The following ZNF135 variants were observed in gnomAD, a reference collection of about 807,000 sequenced individuals.
ZNF135 encodes zinc finger protein 135 (clone pHZ-17).
In ZNF135, 11 loss-of-function variants were observed where a neutral mutation model predicts 12.3. The observed-to-expected ratio is 0.89, with a 90% CI of 0.56 to 1.48. The LOEUF is 1.48. ZNF135 is among the 40% of genes most tolerant of loss of function. The pLI, the probability that ZNF135 is intolerant of heterozygous loss-of-function variation, is 0.00. For synonymous variants in ZNF135, 316 were observed against 312.0 expected (o/e 1.01, Z -0.14); for missense variants, 722 against 815.7 (o/e 0.89, Z 1.40).
At position 58,061,642 on chromosome 19, in the gene ZNF135, G is replaced by A. The variant is rs1489050990; in HGVS notation, c.96G>A (p.Lys32=). Residue 32 remains lysine (K), a synonymous_variant, in exon 3 of 5, where the codon AAG becomes AAA. Coordinates refer to ENST00000313434, the MANE Select transcript of ZNF135 (RefSeq NM_001289401.2). The part of the protein sequence containing the change: ...GFSQEEWGQL[K]PAQRTLYRDV... ...GCCAGGAGGAGTGGGGGCAGCTGAA[G>A]CCTGCCCAGAGGACCCTGTACCGTG... 1.4e-5 allele frequency: 22 copies of A among 1,613,706 alleles called. No individual in the cohort carries two copies. Among genetic ancestry groups the A allele is most frequent in the Non-Finnish European group, 1.8e-5 (21 of 1,179,804 alleles).
At position 58,068,211 on chromosome 19, in the gene ZNF135, A is replaced by G. The variant is rs763045184; in HGVS notation, c.1727A>G (p.Lys576Arg). The G allele has an allele frequency of 1.9e-6, 3 of 1,613,556 alleles. No individual in the cohort carries two copies. Among genetic ancestry groups the G allele is most frequent in the Non-Finnish European group, 8.5e-7 (1 of 1,179,904 alleles). The change falls in exon 5 of 5, where the codon AAG (lysine) becomes AGG (arginine). Residue 576 changes from lysine (K) to arginine (R), a missense_variant. Lys to Arg is a conservative substitution (Grantham distance 26, BLOSUM62 2). Transcript: ENST00000313434. ...IEHQRIHTKE[K>R]PYGCNECGKS... ...CACCAGAGGATTCACACCAAGGAAA[A>G]GCCGTATGGGTGCAATGAGTGTGGG... is the stretch of plus-strand genomic sequence containing the variant.
At position 58,067,445 on chromosome 19, in the gene ZNF135, A is replaced by G. The variant is rs776689439; in HGVS notation, c.961A>G (p.Thr321Ala). ...SSFSQHERTH[T>A]GEKPYECSEC... is the part of the protein sequence containing the mutation. ...CTTCAGCCAGCACGAGCGAACTCAC[A>G]CAGGCGAGAAGCCCTACGAGTGCAG... is the stretch of plus-strand genomic sequence containing the variant. The change falls in exon 5 of 5, where the codon ACA becomes GCA. Residue 321 changes from threonine to alanine, a missense_variant. Physicochemically the swap from Thr to Ala is moderately conservative, Grantham distance 58. Coordinates refer to ENST00000313434, the MANE Select transcript of ZNF135 (RefSeq NM_001289401.2). 8 of 1,614,174 alleles carry G rather than the reference A, an allele frequency of 5.0e-6. No homozygotes were observed. Among genetic ancestry groups the G allele is most frequent in the Admixed American group, 1.7e-5 (1 of 60,020 alleles).
Position 58,059,916 on chromosome 19 carries a change from G to C in ZNF135, c.-34-53G>C, listed in dbSNP as rs2073939085. ...CTCTGGCGCAGTTCCCCGGCTTGGG[G>C]ACCTGAGCACCGCCTCTGCCTGCCC... On this transcript the variant is annotated intron_variant, in intron 1 of 4. Coordinates refer to ENST00000313434, the MANE Select transcript of ZNF135 (RefSeq NM_001289401.2). This position sits in a 1 kb window ranked among gnomAD's most constrained non-coding sequence, Gnocchi z 6.5. The C allele has an allele frequency of 6.3e-7, 1 of 1,598,766 alleles. No homozygotes were observed. Among genetic ancestry groups the C allele is most frequent in the Admixed American group, 1.7e-5 (1 of 59,514 alleles).
rs1599920480 is a variant in ZNF135, at chr19:58,060,634, G to A, written c.33+599G>A. On this transcript the variant is annotated intron_variant, in intron 2 of 4. Coordinates refer to ENST00000313434, the MANE Select transcript of ZNF135 (RefSeq NM_001289401.2). This position sits in a 1 kb window ranked among gnomAD's most constrained non-coding sequence, Gnocchi z 4.9. Reference sequence around the variant, plus strand: ...ATGATGACATTAACCCCACCCATAAGCCACCAGAAGAAACCAGCCTCCTGT... The same window carrying A: ...ATGATGACATTAACCCCACCCATAAACCACCAGAAGAAACCAGCCTCCTGT... Among the ~76,000 whole-genome samples the A allele has an allele frequency of 6.6e-6, 1 of 152,150 alleles. No individual in the cohort carries two copies. Among genetic ancestry groups the A allele is most frequent in the East Asian group, 1.9e-4 (1 of 5,182 alleles).
chr19:58,067,450 C>G lies in ZNF135; in HGVS notation c.966C>G (p.Gly322=), dbSNP rs765317794. Residue 322 remains glycine (G), a synonymous_variant, in exon 5 of 5, where the codon GGC becomes GGG. Coordinates refer to ENST00000313434, the MANE Select transcript of ZNF135 (RefSeq NM_001289401.2). ...GCCAGCACGAGCGAACTCACACAGGCGAGAAGCCCTACGAGTGCAGTGAGT... is the reference window on the plus strand; with the variant it reads ...GCCAGCACGAGCGAACTCACACAGGGGAGAAGCCCTACGAGTGCAGTGAGT... ...SFSQHERTHT[G]EKPYECSECG... 1.2e-6 allele frequency: 2 copies of G among 1,613,584 alleles called. No individual in the cohort carries two copies. Among genetic ancestry groups the G allele is most frequent in the Middle Eastern group, 1.7e-4 (1 of 6,060 alleles).
rs562187200 is a variant in ZNF135, at chr19:58,059,386, T to A, written c.-35+76T>A. ...GGGCCGGGTGCGGGGGGTCCGGGGA[T>A]CTTCCTGAGGCCCTGGCGGGGCGAG... On this transcript the variant is annotated intron_variant, in intron 1 of 4. Transcript: ENST00000313434. The surrounding 1 kb of genome is among the most constrained non-coding windows in gnomAD (Gnocchi z 6.5). 4.9e-5 allele frequency: 40 copies of A among 823,330 alleles called. No homozygotes were observed. The South Asian group carries it at 7.7e-4, about 16-fold the overall frequency. The allele number at this position is 823,330 out of a possible 1,614,324, so 51.0% of individuals were successfully genotyped here.
rs138568651 is a variant in ZNF135 at position 58,067,573 on chromosome 19, C to T, written c.1089C>T (p.Phe363=). The T allele has an allele frequency of 9.9e-6, 16 of 1,613,958 alleles. No individual in the cohort carries two copies. In the African/African-American group the frequency reaches 2.0e-4, roughly 20 times the overall value. ...AGTGTGGTGAGTGTGGCAAGGCCTT[C>T]AGCCACAGCTCATCCTTGACCAAAC... The part of the protein sequence containing the change: ...PYQCGECGKA[F]SHSSSLTKHQ... The change falls in exon 5 of 5, where the codon TTC becomes TTT. Residue 363 remains phenylalanine (F), a synonymous_variant. Transcript: ENST00000313434.
At position 58,059,414 on chromosome 19, in the gene ZNF135, T is replaced by G; in HGVS notation, c.-35+104T>G. 1 of 992,950 alleles carries G rather than the reference T, an allele frequency of 1.0e-6. No individual in the cohort carries two copies. The highest frequency in any genetic ancestry group is 1.4e-6 in the Non-Finnish European group (1 of 729,384). The allele number at this position is 992,950 out of a possible 1,614,324, so 61.5% of individuals were successfully genotyped here. A position where few individuals can be genotyped will look rare whatever the true frequency, so the allele number is the denominator to read the frequency against. ...TCCTGAGGCCCTGGCGGGGCGAGTT[T>G]CCAGCAGCGCGCGTCTGTGTGGAGT... On this transcript the variant is annotated intron_variant, in intron 1 of 4. Transcript: ENST00000313434. This position sits in a 1 kb window ranked among gnomAD's most constrained non-coding sequence, Gnocchi z 6.5.
chr19:58,066,623 A>T (rs1411221333), intron 4 of ZNF135, 118 bp from the exon 5 acceptor site: 7 of 1,391,106 alleles, frequency 5.0e-6, no homozygotes, highest in Middle Eastern at 1.8e-4. Flanking sequence ...GGTCAAAGCC[A>T]CTTGAACCTT....
rs757743187 is a variant in ZNF135 at position 58,068,320 on chromosome 19, A to C, written c.1836A>C (p.Gly612=). 5.6e-6 allele frequency: 9 copies of C among 1,612,626 alleles called. No individual in the cohort carries two copies. In the South Asian group the frequency reaches 9.9e-5, roughly 18 times the overall value. The change falls in exon 5 of 5, where the codon GGA becomes GGC. Residue 612 remains glycine (G), a synonymous_variant. Transcript: ENST00000313434. ...GEKPYECHDC[G]KSFRQSTHLT... ...AGCCCTATGAGTGTCACGATTGCGGAAAGTCCTTTAGGCAGAGCACCCACC... is the reference window on the plus strand; with the variant it reads ...AGCCCTATGAGTGTCACGATTGCGGCAAGTCCTTTAGGCAGAGCACCCACC...
In ZNF135 at chr19:58,060,140, C is replaced by T. The variant is rs564400952; in HGVS notation, c.33+105C>T. The T allele has an allele frequency of 3.8e-6, 6 of 1,582,812 alleles. No individual in the cohort carries two copies. Among genetic ancestry groups the T allele is most frequent in the East Asian group, 2.3e-5 (1 of 43,692 alleles). On this transcript the variant is annotated intron_variant, in intron 2 of 4. Transcript: ENST00000313434. This position sits in a 1 kb window ranked among gnomAD's most constrained non-coding sequence, Gnocchi z 4.9. ...CCTCTTTGCACCCCGTCCCTACTCG[C>T]GCTCAGCCTCCTCCTTGTGCCCGGC... is the stretch of plus-strand genomic sequence containing the variant.
rs1210937352 is a variant in ZNF135, at chr19:58,068,250, A to G, written c.1766A>G (p.His589Arg). ...GCNECGKSFS[H>R]SSSLSQHERT... ...AATGAGTGTGGGAAATCCTTCAGCCACAGCTCCTCGCTCAGCCAGCACGAA... is the reference window on the plus strand; with the variant it reads ...AATGAGTGTGGGAAATCCTTCAGCCGCAGCTCCTCGCTCAGCCAGCACGAA... The change falls in exon 5 of 5, where the codon CAC becomes CGC. Residue 589 changes from histidine (H) to arginine (R), a missense_variant. Physicochemically the swap from His to Arg is conservative, Grantham distance 29. Coordinates refer to ENST00000313434, the MANE Select transcript of ZNF135 (RefSeq NM_001289401.2). 9 of 1,614,048 alleles carry G rather than the reference A, an allele frequency of 5.6e-6. No homozygotes were observed. Among genetic ancestry groups the G allele is most frequent in the Non-Finnish European group, 7.6e-6 (9 of 1,180,042 alleles).
intron 3 of ZNF135, 102 bp downstream of exon 3, chr19:58,061,808 TGG>T: frequency 7.1e-7 from 1 of 1,412,738 alleles, no homozygotes; most frequent in Non-Finnish European, 9.4e-7. Context: ...AGCAAATGCC[TGG>T]GGCTGTATGT....
chr19:58,059,901 G>GT lies in ZNF135; in HGVS notation c.-34-66dup. The GT allele has an allele frequency of 6.3e-7, 1 of 1,582,270 alleles. No homozygotes were observed. The highest frequency in any genetic ancestry group is 1.3e-5 in the African/African-American group (1 of 74,458). On this transcript the variant is annotated intron_variant, in intron 1 of 4. Transcript: ENST00000313434. This position sits in a 1 kb window ranked among gnomAD's most constrained non-coding sequence, Gnocchi z 6.5. Reference sequence around the variant, plus strand: ...GCGGAGCTCCCCAGGCTCTGGCGCAGTTCCCCGGCTTGGGGACCTGAGCAC... The same window carrying GT: ...GCGGAGCTCCCCAGGCTCTGGCGCAGTTTCCCCGGCTTGGGGACCTGAGCAC...
rs573771288 is a variant in ZNF135, at chr19:58,061,615, C to A, written c.69C>A (p.Phe23Leu). Residue 23 changes from phenylalanine to leucine, a missense_variant, in exon 3 of 5, where the codon TTC (phenylalanine) becomes TTA (leucine). Phe to Leu is a conservative substitution (Grantham distance 22). Coordinates refer to ENST00000313434, the MANE Select transcript of ZNF135 (RefSeq NM_001289401.2). ...CGTTTGAGGACGTGGTAGTGGGCTT[C>A]AGCCAGGAGGAGTGGGGGCAGCTGA... is the stretch of plus-strand genomic sequence containing the variant. ...QVTFEDVVVG[F>L]SQEEWGQLKP... 118 of 1,613,528 alleles carry A rather than the reference C, an allele frequency of 7.3e-5. 1 individual carries two copies. The highest frequency in any genetic ancestry group is 6.7e-4 in the South Asian group (61 of 90,938).
In ZNF135 at chr19:58,060,985, C is replaced by CA. The variant is rs926995101; in HGVS notation, c.34-595_34-594insA. Among the ~76,000 whole-genome samples, 1 of 151,946 alleles carries CA rather than the reference C, an allele frequency of 6.6e-6. No homozygotes were observed. The highest frequency in any genetic ancestry group is 1.5e-5 in the Non-Finnish European group (1 of 67,992). ...ACTAAAAATACAAAAAAAAATTAGC[C>CA]GGGGGGGTGGCGGGCGCCTGTAGTC... On this transcript the variant is annotated intron_variant, in intron 2 of 4. Coordinates refer to ENST00000313434, the MANE Select transcript of ZNF135 (RefSeq NM_001289401.2). This position sits in a 1 kb window ranked among gnomAD's most constrained non-coding sequence, Gnocchi z 4.9.
rs780804171 is a variant in ZNF135, at chr19:58,067,890, G to C, written c.1406G>C (p.Ser469Thr). 5.0e-6 allele frequency: 8 copies of C among 1,608,470 alleles called. No individual in the cohort carries two copies. In the Admixed American group the frequency reaches 1.2e-4, roughly 24 times the overall value. The change falls in exon 5 of 5, where the codon AGT (serine) becomes ACT (threonine). Residue 469 changes from serine to threonine, a missense_variant. Coordinates refer to ENST00000313434, the MANE Select transcript of ZNF135 (RefSeq NM_001289401.2). ...ACAGGAGAGAAGCCCTATGAGTGCA[G>C]TCAGTGTGGGAAGGCCTTCCGGCAG... The part of the protein sequence containing the change: ...THTGEKPYEC[S>T]QCGKAFRQST...
At position 58,059,346 on chromosome 19, in the gene ZNF135, A is replaced by AGGCCGGGCCGGGCCGGGCCAGGCCG; in HGVS notation, c.-35+55_-35+56insAGGCCGGGCCGGGCCGGGCCGGGCC. 1.3e-6 allele frequency: 1 copy of AGGCCGGGCCGGGCCGGGCCAGGCCG among 744,014 alleles called. No homozygotes were observed. Among genetic ancestry groups the AGGCCGGGCCGGGCCGGGCCAGGCCG allele is most frequent in the Non-Finnish European group, 1.8e-6 (1 of 546,758 alleles). 46.1% of individuals were successfully genotyped at this position (744,014 alleles called of 1,614,324 possible). On this transcript the variant is annotated intron_variant, in intron 1 of 4. Coordinates refer to ENST00000313434, the MANE Select transcript of ZNF135 (RefSeq NM_001289401.2). The surrounding 1 kb of genome is among the most constrained non-coding windows in gnomAD (Gnocchi z 6.5). Reference sequence around the variant, plus strand: ...CCGGCGAGGAGGGGGAGGGGAGGCCAGGCCGGGCCGGGCCGGGCCGGGTGC... The same window carrying AGGCCGGGCCGGGCCGGGCCAGGCCG: ...CCGGCGAGGAGGGGGAGGGGAGGCCAGGCCGGGCCGGGCCGGGCCAGGCCGGGCCGGGCCGGGCCGGGCCGGGTGC...
intron 2 of ZNF135, 98 bp from the exon 3 acceptor site, chr19:58,061,482 A>C: frequency 6.8e-7 from 1 of 1,475,260 alleles, no homozygotes; most frequent in Non-Finnish European, 9.0e-7. Context: ...GACCAAAGGG[A>C]ACTCCATCCG....
Sources: gnomAD v4.1 joint callset for allele counts (sites outside exome capture counted in the v4.1 genomes callset) on GRCh38, gnomAD v4.1.1 for gene constraint, Gnocchi (gnomAD v3.1) non-coding constraint, MANE v1.5 for transcripts, NCBI Gene and HGNC (gene_info 2026-07-23, HGNC 2026-07-21) for gene names.